Variants in NCOA1 observed in about 807,000 individuals in gnomAD.
NCOA1 encodes Hin-2 protein.
NCOA1 carries 35 observed loss-of-function variants against 150.9 expected under a neutral mutation model. The ratio of observed to expected loss-of-function variants is 0.23; its 90% CI spans 0.18 to 0.31. The LOEUF (loss-of-function observed/expected upper bound fraction) is 0.31. Among genes scored for constraint, NCOA1 ranks in the 10% least tolerant of loss-of-function variants. NCOA1 has a pLI of 1.00. For missense variants in NCOA1, 1,491 were observed against 1,749.3 expected (o/e 0.85, Z 2.63); for synonymous variants, 590 against 630.0 (o/e 0.94, Z 0.95).
chr2:24,729,905 G>GT, intron 17 of NCOA1, 90 bp downstream of exon 17: 1 of 1,389,738 alleles, frequency 7.2e-7, no homozygotes, highest in Non-Finnish European at 9.7e-7. Flanking sequence ...GTGTGCAGTA[G>GT]TGCTATCTCA....
chr2:24,697,314 A>T (rs1672950591), intron 10 of NCOA1, among the ~76,000 whole-genome samples: 2 of 152,172 alleles, frequency 1.3e-5, no homozygotes. Flanking sequence ...TCTCCTTTCC[A>T]ATCGGTCATC....
intron 1 of NCOA1, among the ~76,000 whole-genome samples, chr2:24,524,534 A>G (rs1233889318): frequency 6.6e-6 from 1 of 152,052 alleles, no homozygotes; most frequent in African/African-American, 2.4e-5. Context: ...GGCTTAAGTG[A>G]TCCTCATGCC....
At chr2:24,718,583 A>G (rs951972642) in intron 14 of NCOA1, among the ~76,000 whole-genome samples, 2 of 151,970 alleles carry the variant, frequency 1.3e-5, no homozygotes, top group Non-Finnish European at 2.9e-5. Flanking sequence ...TGTAATCCCA[A>G]CATTTTGGGA....
chr2:24,704,858 T>G lies in NCOA1; in HGVS notation c.950-228T>G, dbSNP rs528334854. Reference sequence around the variant, plus strand: ...TATAACTTCTCTGAGGAGGCACCCATTCAACTATGACTCAATTAAAACCTG... The same window carrying G: ...TATAACTTCTCTGAGGAGGCACCCAGTCAACTATGACTCAATTAAAACCTG... On this transcript the variant is annotated intron_variant, in intron 11 of 22. Coordinates refer to ENST00000348332, the MANE Select transcript of NCOA1 (RefSeq NM_003743.5). Among the ~76,000 whole-genome samples the G allele has an allele frequency of 5.3e-5, 8 of 152,262 alleles. No individual in the cohort carries two copies. The South Asian group carries it at 1.7e-3, about 32-fold the overall frequency.
At chr2:24,655,165 G>A (rs986040456) in intron 4 of NCOA1, among the ~76,000 whole-genome samples, 1 of 152,174 alleles carries the variant, frequency 6.6e-6, no homozygotes, top group African/African-American at 2.4e-5. Context: ...TAAGAGCTCA[G>A]TAAATATTTG....
intron 1 of NCOA1, among the ~76,000 whole-genome samples, chr2:24,537,110 C>T (rs561120777): frequency 6.6e-6 from 1 of 151,966 alleles, no homozygotes; most frequent in East Asian, 1.9e-4. Flanking sequence ...CACCTGTACC[C>T]CAAAAGCTAC....
At chr2:24,644,354 A>G (rs1192520278) in intron 4 of NCOA1, among the ~76,000 whole-genome samples, 2 of 152,186 alleles carry the variant, frequency 1.3e-5, no homozygotes, top group African/African-American at 4.8e-5. Context: ...TGAGACCCTC[A>G]AAGTCCTTAC....
chr2:24,611,993 G>A (rs1668650651), intron 3 of NCOA1, among the ~76,000 whole-genome samples: 1 of 152,074 alleles, frequency 6.6e-6, no homozygotes, highest in Non-Finnish European at 1.5e-5. Context: ...CTATTGTGTG[G>A]TTGCTTTATA....
rs1665271215 is a variant in NCOA1, at chr2:24,770,577, T to C, written c.*2186T>C. 4.7e-6 allele frequency: 1 copy of C among 213,360 alleles called. No homozygotes were observed. The highest frequency in any genetic ancestry group is 5.8e-5 in the Admixed American group (1 of 17,128). The allele number at this position is 213,360 out of a possible 1,614,324, so 13.2% of individuals were successfully genotyped here. A position where few individuals can be genotyped will look rare whatever the true frequency, so the allele number is the denominator to read the frequency against. On this transcript the variant is annotated 3_prime_UTR_variant, in exon 23 of 23. Transcript: ENST00000348332. The stretch of plus-strand genomic sequence containing the variant: ...ACTTTTCCAGCTACTGAATAGAATT[T>C]GTTTAACAACCTCATGGGTTGCCTC...
At chr2:24,678,733 G>A (rs1383299016) in intron 7 of NCOA1, among the ~76,000 whole-genome samples, 1 of 152,114 alleles carries the variant, frequency 6.6e-6, no homozygotes, top group Non-Finnish European at 1.5e-5. Context: ...TAATGGGGTT[G>A]TTTGGTTTTT....
chr2:24,758,851 G>A (rs1055169543), intron 21 of NCOA1, among the ~76,000 whole-genome samples: 3 of 151,832 alleles, frequency 2.0e-5, no homozygotes, highest in African/African-American at 7.3e-5. Context: ...AGCTGTGCGT[G>A]GTGGCATGCA....
In NCOA1 at chr2:24,706,896, A is replaced by G. The variant is rs762491866; in HGVS notation, c.1426A>G (p.Met476Val). The G allele has an allele frequency of 1.3e-5, 21 of 1,614,036 alleles. No individual in the cohort carries two copies. The highest frequency in any genetic ancestry group is 6.6e-5 in the South Asian group (6 of 91,084). The change falls in exon 13 of 23, where the codon ATG (methionine) becomes GTG (valine). Residue 476 changes from methionine to valine, a missense_variant. Physicochemically the swap from Met to Val is conservative, Grantham distance 21. Coordinates refer to ENST00000348332, the MANE Select transcript of NCOA1 (RefSeq NM_003743.5). Reference protein sequence around the residue: ...NPSLNLNNSPMEGTGISLAQF... With the variant: ...NPSLNLNNSPVEGTGISLAQF... ...CTCTTTAAACCTCAATAATTCTCCTATGGAAGGTACAGGAATATCCCTAGC... is the reference window on the plus strand; with the variant it reads ...CTCTTTAAACCTCAATAATTCTCCTGTGGAAGGTACAGGAATATCCCTAGC...
intron 3 of NCOA1, among the ~76,000 whole-genome samples, chr2:24,638,317 C>CT (rs1379898274): frequency 6.8e-6 from 1 of 147,244 alleles, no homozygotes; most frequent in Non-Finnish European, 1.5e-5. Flanking sequence ...GGATTTCATT[C>CT]TTTTTTATGG....
Position 24,566,730 on chromosome 2 carries a change from G to A in NCOA1, c.-260+2300G>A, listed in dbSNP as rs533983899. Among the ~76,000 whole-genome samples the A allele has an allele frequency of 4.6e-5, 7 of 152,334 alleles. No homozygotes were observed. In the East Asian group the frequency reaches 1.3e-3, roughly 29 times the overall value. ...TGTTCCTGCTGAGGGGCACCTGCAG[G>A]CCAGCATCGAGTCTCTCCTTGTCCT... On this transcript the variant is annotated intron_variant, in intron 2 of 22. Transcript: ENST00000348332.
chr2:24,728,252 T>C, intron 15 of NCOA1, 56 bp from the exon 16 acceptor site: 3 of 1,489,738 alleles, frequency 2.0e-6, no homozygotes, highest in South Asian at 2.6e-5. Flanking sequence ...TATATAAAGA[T>C]TGAATAAATT....
intron 1 of NCOA1, among the ~76,000 whole-genome samples, chr2:24,563,432 TG>T (rs1666368945): frequency 6.6e-6 from 1 of 152,198 alleles, no homozygotes; most frequent in African/African-American, 2.4e-5. Context: ...TCTTTGTGAT[TG>T]TAAAGAAGAT....
At chr2:24,686,320 A>T (rs1672402703) in intron 8 of NCOA1, among the ~76,000 whole-genome samples, 1 of 152,080 alleles carries the variant, frequency 6.6e-6, no homozygotes, top group Non-Finnish European at 1.5e-5. Context: ...TCTTTTTTGA[A>T]TTGTAGCTAA....
chr2:24,507,435 G>GTTTTTTTTTTT (rs10651704), intron 1 of NCOA1, among the ~76,000 whole-genome samples: 5 of 126,524 alleles, frequency 4.0e-5, no homozygotes, highest in Non-Finnish European at 4.8e-5. Context: ...GAGCTGCTGG[G>GTTTTTTTTTTT]TTTTTTTTTT....
At chr2:24,516,179 G>A (rs1409025735) in intron 1 of NCOA1, among the ~76,000 whole-genome samples, 1 of 138,324 alleles carries the variant, frequency 7.2e-6, no homozygotes, top group Admixed American at 7.1e-5. Context: ...ATATAAATAG[G>A]TTTTGCCTTT....
Sources: gnomAD v4.1 joint callset for allele counts (sites outside exome capture counted in the v4.1 genomes callset) on GRCh38, gnomAD v4.1.1 for gene constraint, MANE v1.5 for transcripts, NCBI Gene and HGNC (gene_info 2026-07-23, HGNC 2026-07-21) for gene names.